Variants in KRT73 observed in about 807,000 individuals in gnomAD.
KRT73 encodes keratin 73.
In KRT73, 44 loss-of-function variants were observed where a neutral mutation model predicts 47.2. That is an observed-to-expected ratio of 0.93 (90% CI 0.73 to 1.20). The LOEUF (loss-of-function observed/expected upper bound fraction) is 1.20, where lower values mean the gene tolerates loss of function less well. KRT73 is among the 50% of genes most tolerant of loss of function. The probability of loss-of-function intolerance (pLI) is 0.00; values close to 1 mark genes in which losing one functional copy is unlikely to be tolerated. For synonymous variants in KRT73, 285 were observed against 291.3 expected (o/e 0.98, Z 0.22); for missense variants, 713 against 704.5 (o/e 1.01, Z -0.14).
chr12:52,611,958 T>C (rs917881946), intron 5 of KRT73, among the ~76,000 whole-genome samples: 1 of 152,220 alleles, frequency 6.6e-6, no homozygotes, highest in African/African-American at 2.4e-5. Flanking sequence ...CTCCCCACAC[T>C]GTAGTGTATT....
chr12:52,618,614 G>T, upstream of KRT73: 2 of 1,361,182 alleles, frequency 1.5e-6, no homozygotes, highest in Non-Finnish European at 2.0e-6. Flanking sequence ...CACTTTATAG[G>T]ACTCAAGAGG....
Position 52,616,333 on chromosome 12 carries a change from C to T in KRT73, c.495G>A (p.Glu165=). ...TGTTCAGGTCCAGCTGCTGTAGCAG[C>T]TCCCACTTGGTCTCCAGCACCTGGT... ...QQNQVLETKW[E]LLQQLDLNNC... is the part of the protein sequence containing the mutation. Residue 165 remains glutamate, a synonymous_variant, in exon 2 of 9, where the codon GAG becomes GAA. Transcript: ENST00000305748. 6.2e-7 allele frequency: 1 copy of T among 1,614,210 alleles called. No individual in the cohort carries two copies. The highest frequency in any genetic ancestry group is 1.1e-5 in the South Asian group (1 of 91,068).
At chr12:52,624,544 T>G in the KRT73 span, among the ~76,000 whole-genome samples, 2 of 152,056 alleles carry the variant, frequency 1.3e-5, no homozygotes, top group African/African-American at 4.8e-5. Flanking sequence ...GTAAATAACT[T>G]AAACCATACA....
In KRT73 at chr12:52,616,166, CTCT is replaced by C. The variant is rs755739347; in HGVS notation, c.659_661del (p.Lys220del). On this transcript the variant is annotated inframe_deletion and splice_region_variant, in exon 2 of 9. Transcript: ENST00000305748. ...CAGCCTGGAGTGGCGTCCTGCTCAC[CTCT>C]TCTTGTAGTCCTCCACCACTTCGCG... 1.2e-6 allele frequency: 2 copies of C among 1,614,066 alleles called. No homozygotes were observed. Among genetic ancestry groups the C allele is most frequent in the East Asian group, 2.2e-5 (1 of 44,882 alleles).
At chr12:52,627,629 C>G in the KRT73 span, among the ~76,000 whole-genome samples, 1 of 152,160 alleles carries the variant, frequency 6.6e-6, no homozygotes. Context: ...ACTCCACACC[C>G]TCTGGCCATT....
At chr12:52,627,610 G>T in the KRT73 span, among the ~76,000 whole-genome samples, 14 of 152,162 alleles carry the variant, frequency 9.2e-5, no homozygotes, top group Non-Finnish European at 1.9e-4. Flanking sequence ...CCCCCAGGCT[G>T]CTTTTCCCAC....
chr12:52,617,033 TC>T (rs1372849816), intron 1 of KRT73, among the ~76,000 whole-genome samples: 1 of 152,174 alleles, frequency 6.6e-6, no homozygotes. Flanking sequence ...AAGTCCATAT[TC>T]CTTATCACAC....
intron 6 of KRT73, 66 bp from the exon 7 acceptor site, chr12:52,610,901 T>G: frequency 1.5e-6 from 2 of 1,357,642 alleles, no homozygotes. Context: ...TCTCCCATGC[T>G]CTCAATGGTT....
intron 5 of KRT73, 128 bp from the exon 6 acceptor site, chr12:52,611,457 C>T (rs1940702197): frequency 9.6e-7 from 1 of 1,042,370 alleles, no homozygotes; most frequent in African/African-American, 1.6e-5. Context: ...CTCACCATGT[C>T]TATCAGCAGC....
intron 4 of KRT73, chr12:52,614,101 G>A (rs769419234): frequency 4.4e-6 from 2 of 452,790 alleles, no homozygotes; most frequent in Non-Finnish European, 7.7e-6. Context: ...GGACAGGAGT[G>A]GGGAAGGTGG....
At position 52,609,224 on chromosome 12, in the gene KRT73, C is replaced by T; in HGVS notation, c.1366+23G>A. 1.9e-6 allele frequency: 3 copies of T among 1,608,908 alleles called. 1 individual carries two copies. The highest frequency in any genetic ancestry group is 2.2e-5 in the South Asian group (2 of 90,930). ...GTTTGTTGATGGACTAAAAGTATTC[C>T]CTCAGAGTCATGAAATACTCACAAA... On this transcript the variant is annotated intron_variant, in intron 8 of 8. Transcript: ENST00000305748.
In KRT73 at chr12:52,618,301, C is replaced by T. The variant is rs149017225; in HGVS notation, c.224G>A (p.Arg75Gln). 1.4e-4 allele frequency: 221 copies of T among 1,614,098 alleles called. No individual in the cohort carries two copies. Among genetic ancestry groups the T allele is most frequent in the Non-Finnish European group, 1.3e-4 (158 of 1,180,046 alleles). The change falls in exon 1 of 9, where the codon CGG becomes CAG. Residue 75 changes from arginine to glutamine, a missense_variant. Arg to Gln is a conservative substitution (Grantham distance 43). Coordinates refer to ENST00000305748, the MANE Select transcript of KRT73 (RefSeq NM_175068.3). ...GCCAGCAAAGCCACTGGCCCGGCCC[C>T]GGCCAAATCCATAGCCTCCTGCCCA... ...SGWAGGYGFG[R>Q]GRASGFAGSM...
chr12:52,619,988 T>C (rs1309653480), upstream of KRT73, among the ~76,000 whole-genome samples: 2 of 152,176 alleles, frequency 1.3e-5, no homozygotes, highest in Non-Finnish European at 2.9e-5. Flanking sequence ...TTTTATACAA[T>C]ATGGTTGTTT....
the KRT73 span, among the ~76,000 whole-genome samples, chr12:52,626,638 T>C: frequency 6.6e-6 from 1 of 152,118 alleles, no homozygotes; most frequent in South Asian, 2.1e-4. Flanking sequence ...CTCATCTAAA[T>C]TTCTACTTCT....
At chr12:52,626,055 G>A in the KRT73 span, among the ~76,000 whole-genome samples, 1 of 152,218 alleles carries the variant, frequency 6.6e-6, no homozygotes, top group East Asian at 1.9e-4. Context: ...AGGGAAATTT[G>A]TGATGATGGT....
At chr12:52,626,217 A>G in the KRT73 span, among the ~76,000 whole-genome samples, 1 of 152,252 alleles carries the variant, frequency 6.6e-6, no homozygotes, top group Admixed American at 6.5e-5. Flanking sequence ...AACCCCATCA[A>G]GAAGGTTCAG....
Position 52,618,534 on chromosome 12 carries a change from G to A in KRT73, c.-10C>T, listed in dbSNP as rs768191099. ...TGAATTGGCGGCTCATGGTGGGGAG[G>A]CCAGAAAGTGGGGATAAGATGCTGA... On this transcript the variant is annotated 5_prime_UTR_variant, in exon 1 of 9. Transcript: ENST00000305748. The A allele has an allele frequency of 6.3e-7, 1 of 1,585,986 alleles. No individual in the cohort carries two copies.
At chr12:52,628,165 C>T in the KRT73 span, among the ~76,000 whole-genome samples, 3 of 152,106 alleles carry the variant, frequency 2.0e-5, no homozygotes, top group African/African-American at 4.8e-5. Context: ...CCTCATAGCC[C>T]AGCAGGTCAC....
chr12:52,629,000 C>T, the KRT73 span, among the ~76,000 whole-genome samples: 1 of 152,282 alleles, frequency 6.6e-6, no homozygotes, highest in African/African-American at 2.4e-5. Context: ...TTAAACTTGA[C>T]TCCTCATCTC....
Sources: gnomAD v4.1 joint callset for allele counts (sites outside exome capture counted in the v4.1 genomes callset) on GRCh38, gnomAD v4.1.1 for gene constraint, MANE v1.5 for transcripts, NCBI Gene and HGNC (gene_info 2026-07-23, HGNC 2026-07-21) for gene names.